The following NKAIN3 variants were observed in gnomAD, a reference collection of about 807,000 sequenced individuals.
The protein encoded by NKAIN3 is sodium/potassium transporting ATPase interacting 3.
Under a neutral mutation model 30.2 loss-of-function variants are expected in NKAIN3, and 25 were observed. That is an observed-to-expected ratio of 0.83 (90% confidence interval 0.60 to 1.16). NKAIN3 has a LOEUF of 1.16. Ranked by LOEUF, NKAIN3 falls within the 50% of genes most tolerant of loss-of-function variation. The pLI is 0.00. For missense variants in NKAIN3, 225 were observed against 254.1 expected, an observed-to-expected ratio of 0.89 and a Z score of 0.78; for synonymous variants, 91 against 89.6, an observed-to-expected ratio of 1.02 and a Z score of -0.09.
Position 62,970,408 on chromosome 8 carries a change from C to T in NKAIN3, c.*5001C>T, listed in dbSNP as rs1823808579. Among the ~76,000 whole-genome samples the T allele has an allele frequency of 6.6e-6, 1 of 152,120 alleles. No individual in the cohort carries two copies. Among genetic ancestry groups the T allele is most frequent in the African/African-American group, 2.4e-5 (1 of 41,412 alleles). On this transcript the variant is annotated 3_prime_UTR_variant, in exon 7 of 7. Coordinates refer to ENST00000623646, the MANE Select transcript of NKAIN3 (RefSeq NM_001304533.3). Reference sequence around the variant, plus strand: ...AAATGCCACTTCTTGAAGGTGGATACAGCTTCTTAAATATTGGTATTTGTA... The same window carrying T: ...AAATGCCACTTCTTGAAGGTGGATATAGCTTCTTAAATATTGGTATTTGTA...
intron 1 of NKAIN3, among the ~76,000 whole-genome samples, chr8:62,402,622 G>A (rs1803916858): frequency 6.6e-6 from 1 of 152,134 alleles, no homozygotes; most frequent in South Asian, 2.1e-4. Context: ...TCTCCGTCCT[G>A]CCGCCCTGTG....
intron 1 of NKAIN3, among the ~76,000 whole-genome samples, chr8:62,356,507 G>C (rs911060720): frequency 6.6e-6 from 1 of 152,070 alleles, no homozygotes; most frequent in African/African-American, 2.4e-5. Context: ...TTCAAACCTG[G>C]AAAGAGTCTT....
chr8:62,407,433 G>GTTA (rs1554527569), intron 1 of NKAIN3, among the ~76,000 whole-genome samples: 2 of 952 alleles, frequency 2.1e-3, no homozygotes, highest in Non-Finnish European at 7.5e-3. Flanking sequence ...ACGGAGTCTC[G>GTTA]TGTCACCGGG....
At chr8:62,293,028 C>T (rs1221244513) in intron 1 of NKAIN3, among the ~76,000 whole-genome samples, 1 of 152,154 alleles carries the variant, frequency 6.6e-6, no homozygotes, top group Non-Finnish European at 1.5e-5. Flanking sequence ...AAATTGGCTA[C>T]TGAAGCTTGT....
chr8:62,881,973 G>A (rs1289942288), intron 4 of NKAIN3, among the ~76,000 whole-genome samples: 1 of 152,080 alleles, frequency 6.6e-6, no homozygotes, highest in Non-Finnish European at 1.5e-5. Context: ...TCCCATCGTT[G>A]TTTTAATTTG....
intron 1 of NKAIN3, among the ~76,000 whole-genome samples, chr8:62,543,270 C>G (rs1004852745): frequency 3.3e-5 from 5 of 152,168 alleles, no homozygotes; most frequent in African/African-American, 9.7e-5. Context: ...CTGGTTTCTT[C>G]TAGCATTTCA....
At chr8:62,319,279 C>A (rs1416351494) in intron 1 of NKAIN3, among the ~76,000 whole-genome samples, 1 of 152,094 alleles carries the variant, frequency 6.6e-6, no homozygotes, top group Non-Finnish European at 1.5e-5. Flanking sequence ...TTTCAAAAAA[C>A]CCGCTGCTGG....
chr8:62,953,875 T>C (rs865987533), intron 5 of NKAIN3, 27 bp from the exon 6 acceptor site: 14 of 785,102 alleles, frequency 1.8e-5, no homozygotes, highest in Middle Eastern at 6.6e-4. Context: ...TACACACTTA[T>C]TCATATGGCC....
At chr8:62,463,529 A>G (rs1237594970) in intron 1 of NKAIN3, among the ~76,000 whole-genome samples, 2 of 152,204 alleles carry the variant, frequency 1.3e-5, no homozygotes, top group Admixed American at 1.3e-4. Flanking sequence ...ATCTAAATCT[A>G]TATACAGCAT....
chr8:62,558,319 T>C (rs1436509871), intron 1 of NKAIN3, among the ~76,000 whole-genome samples: 2 of 152,174 alleles, frequency 1.3e-5, no homozygotes, highest in African/African-American at 2.4e-5. Context: ...GGCCTTATAG[T>C]ATAGCTTGAA....
chr8:62,778,000 T>C (rs903053710), intron 4 of NKAIN3, among the ~76,000 whole-genome samples: 2 of 151,868 alleles, frequency 1.3e-5, no homozygotes, highest in African/African-American at 4.8e-5. Context: ...CCCAGAAAAA[T>C]TCTCTAGATT....
chr8:62,319,309 G>GC (rs774958285), intron 1 of NKAIN3, among the ~76,000 whole-genome samples: 31 of 152,022 alleles, frequency 2.0e-4, no homozygotes, highest in Non-Finnish European at 4.4e-4. Flanking sequence ...TTTTTTGAAG[G>GC]GTTTTTTGTG....
intron 1 of NKAIN3, among the ~76,000 whole-genome samples, chr8:62,532,815 C>T (rs190767807): frequency 2.0e-5 from 3 of 152,258 alleles, no homozygotes; most frequent in Non-Finnish European, 2.9e-5. Flanking sequence ...ACGCATGGAT[C>T]GAGTAGTGAG....
intron 1 of NKAIN3, among the ~76,000 whole-genome samples, chr8:62,281,175 G>T (rs1182975675): frequency 1.3e-5 from 2 of 152,062 alleles, no homozygotes; most frequent in Non-Finnish European, 2.9e-5. Flanking sequence ...GGTGTTTATA[G>T]TATTCTCTGA....
At chr8:62,354,635 G>A (rs1816286115) in intron 1 of NKAIN3, among the ~76,000 whole-genome samples, 1 of 152,040 alleles carries the variant, frequency 6.6e-6, no homozygotes, top group African/African-American at 2.4e-5. Flanking sequence ...GTAGCAAAGG[G>A]TTTCACCATG....
At chr8:62,528,220 G>A (rs1379965372) in intron 1 of NKAIN3, among the ~76,000 whole-genome samples, 6 of 147,586 alleles carry the variant, frequency 4.1e-5, no homozygotes, top group African/African-American at 1.5e-4. Context: ...AATAGGCACT[G>A]GGGAGTACAA....
chr8:62,291,116 G>T (rs1813608071), intron 1 of NKAIN3, among the ~76,000 whole-genome samples: 1 of 152,066 alleles, frequency 6.6e-6, no homozygotes, highest in Admixed American at 6.5e-5. Flanking sequence ...GCATCTATTT[G>T]ATTCTTCTCT....
intron 1 of NKAIN3, among the ~76,000 whole-genome samples, chr8:62,311,865 A>G (rs569800413): frequency 1.3e-5 from 2 of 150,556 alleles, no homozygotes; most frequent in South Asian, 4.1e-4. Flanking sequence ...CCCACTCTGC[A>G]AAGTAAAAGG....
At chr8:62,310,715 G>C (rs553570692) in intron 1 of NKAIN3, among the ~76,000 whole-genome samples, 1 of 150,218 alleles carries the variant, frequency 6.7e-6, no homozygotes, top group African/African-American at 2.5e-5. Flanking sequence ...GCGCATCCTC[G>C]GGGGTTGTAC....
Sources: gnomAD v4.1 joint callset for allele counts (sites outside exome capture counted in the v4.1 genomes callset) on GRCh38, gnomAD v4.1.1 for gene constraint, MANE v1.5 for transcripts, NCBI Gene and HGNC (gene_info 2026-07-23, HGNC 2026-07-21) for gene names.